The following TXK variants were observed in gnomAD, a reference collection of about 807,000 sequenced individuals.
TXK encodes the protein TXK tyrosine kinase.
TXK carries 60 observed loss-of-function variants against 81.0 expected under a neutral mutation model. The ratio of observed to expected loss-of-function variants is 0.74; its 90% CI spans 0.60 to 0.92. The LOEUF (loss-of-function observed/expected upper bound fraction) is 0.92, where lower values mean the gene tolerates loss of function less well. Among genes scored for constraint, TXK ranks in the 40% least tolerant of loss-of-function variants. The pLI is 0.00. For synonymous variants in TXK, 203 were observed against 210.7 expected (o/e 0.96, Z 0.32); for missense variants, 581 against 638.3 (o/e 0.91, Z 0.97).
chr4:48,075,097 A>G (rs1167301984), intron 12 of TXK, among the ~76,000 whole-genome samples: 1 of 152,032 alleles, frequency 6.6e-6, no homozygotes, highest in African/African-American at 2.4e-5. Context: ...GGGAAATAGA[A>G]GGGAAAGAAA....
At chr4:48,109,160 G>C (rs1718552364) in intron 5 of TXK, among the ~76,000 whole-genome samples, 1 of 150,370 alleles carries the variant, frequency 6.7e-6, no homozygotes, top group South Asian at 2.1e-4. Flanking sequence ...ACATGCTCTT[G>C]AGTAGATAGC....
intron 10 of TXK, among the ~76,000 whole-genome samples, chr4:48,081,230 A>G (rs1717288076): frequency 6.6e-6 from 1 of 152,140 alleles, no homozygotes; most frequent in Non-Finnish European, 1.5e-5. Flanking sequence ...TGAAATACTA[A>G]TTTGCCACAA....
At chr4:48,128,808 C>T (rs1203979647) in intron 1 of TXK, among the ~76,000 whole-genome samples, 2 of 151,944 alleles carry the variant, frequency 1.3e-5, no homozygotes, top group African/African-American at 2.4e-5. Context: ...ACCTCGTGAT[C>T]CACCTGCCTC....
At chr4:48,111,045 G>C (rs999957844) in intron 4 of TXK, among the ~76,000 whole-genome samples, 2 of 152,198 alleles carry the variant, frequency 1.3e-5, no homozygotes, top group African/African-American at 4.8e-5. Flanking sequence ...TTCTTGTACA[G>C]AAGAATATTT....
intron 6 of TXK, among the ~76,000 whole-genome samples, 155 bp from the exon 7 acceptor site, chr4:48,095,377 A>G (rs1717943152): frequency 6.6e-6 from 1 of 152,230 alleles, no homozygotes; most frequent in South Asian, 2.1e-4. Context: ...ACAAGTACAC[A>G]AAATCTTATC....
In TXK at chr4:48,073,966, C is replaced by T. The variant is rs1202849637; in HGVS notation, c.1326G>A (p.Lys442=). 1 of 1,613,504 alleles carries T rather than the reference C, an allele frequency of 6.2e-7. No homozygotes were observed. Among genetic ancestry groups the T allele is most frequent in the South Asian group, 1.1e-5 (1 of 91,012 alleles). The change falls in exon 13 of 15, where the codon AAG becomes AAA. Residue 442 remains lysine (K), a synonymous_variant. Coordinates refer to ENST00000264316, the MANE Select transcript of TXK (RefSeq NM_003328.3). ...WSPPEVFLFN[K]YSSKSDVWSF... Reference sequence around the variant, plus strand: ...ACCAGACATCAGATTTACTGCTGTACTTATTGAAAAGAAAAACTTCAGGAG... The same window carrying T: ...ACCAGACATCAGATTTACTGCTGTATTTATTGAAAAGAAAAACTTCAGGAG...
chr4:48,118,289 T>C (rs1465166857), intron 1 of TXK, among the ~76,000 whole-genome samples: 1 of 152,196 alleles, frequency 6.6e-6, no homozygotes, highest in Admixed American at 6.5e-5. Context: ...ATGATGCAGA[T>C]CTTCCTGTAA....
chr4:48,117,833 G>A (rs1385138363), intron 1 of TXK, among the ~76,000 whole-genome samples: 4 of 152,288 alleles, frequency 2.6e-5, no homozygotes, highest in African/African-American at 9.6e-5. Context: ...TAGTAATTGA[G>A]CCTTTAAAAG....
chr4:48,130,383 T>G (rs907708781), intron 1 of TXK, among the ~76,000 whole-genome samples: 4 of 152,172 alleles, frequency 2.6e-5, no homozygotes, highest in African/African-American at 7.2e-5. Context: ...CAACCAGAGC[T>G]GGAGAATACA....
chr4:48,089,758 AACCCAG>A lies in TXK; in HGVS notation c.770_775del (p.Ala257_Phe259delinsVal). 6.2e-7 allele frequency: 1 copy of A among 1,613,396 alleles called. No individual in the cohort carries two copies. Among genetic ancestry groups the A allele is most frequent in the Non-Finnish European group, 8.5e-7 (1 of 1,179,458 alleles). ...ATGTGTGCACACTTTACCGTAGCTA[AACCCAG>A]CTGTGGCTGGTAAACAACTGCCCAT... On this transcript the variant is annotated inframe_deletion, in exon 9 of 15. Transcript: ENST00000264316.
intron 6 of TXK, among the ~76,000 whole-genome samples, chr4:48,102,069 C>T (rs2109449340): frequency 6.6e-6 from 1 of 152,164 alleles, no homozygotes; most frequent in East Asian, 1.9e-4. Context: ...ATCTCCACCT[C>T]CCAGGTTCAA....
intron 11 of TXK, among the ~76,000 whole-genome samples, chr4:48,078,473 C>T (rs1170677871): frequency 1.3e-5 from 2 of 152,132 alleles, no homozygotes; most frequent in Admixed American, 1.3e-4. Context: ...TAGACTTCTC[C>T]AATTCTCATT....
intron 4 of TXK, among the ~76,000 whole-genome samples, chr4:48,111,309 C>G (rs1718626691): frequency 6.6e-6 from 1 of 152,148 alleles, no homozygotes; most frequent in African/African-American, 2.4e-5. Context: ...ATGAATTCTA[C>G]AAACAATACC....
intron 13 of TXK, 46 bp from the exon 14 acceptor site, chr4:48,071,720 T>C: frequency 6.3e-7 from 1 of 1,599,344 alleles, no homozygotes; most frequent in South Asian, 1.1e-5. Context: ...GAGAAATGAT[T>C]GCTTGGGAAC....
At chr4:48,072,251 C>T (rs944054996) in intron 13 of TXK, among the ~76,000 whole-genome samples, 4 of 152,212 alleles carry the variant, frequency 2.6e-5, no homozygotes, top group African/African-American at 9.7e-5. Flanking sequence ...GATTCGACCA[C>T]CTCAGCCTCC....
intron 12 of TXK, among the ~76,000 whole-genome samples, chr4:48,074,313 T>C (rs1461265476): frequency 6.6e-6 from 1 of 152,200 alleles, no homozygotes; most frequent in Non-Finnish European, 1.5e-5. Flanking sequence ...ACTGTTTATG[T>C]TAATTATGGT....
At chr4:48,091,123 T>C (rs1286779477) in intron 8 of TXK, among the ~76,000 whole-genome samples, 1 of 152,170 alleles carries the variant, frequency 6.6e-6, no homozygotes, top group Non-Finnish European at 1.5e-5. Flanking sequence ...AAGGAATAAG[T>C]ATTCTGCTGG....
At position 48,067,530 on chromosome 4, in the gene TXK, C is replaced by G. The variant is rs1205537438; in HGVS notation, c.*107G>C. ...TCTTTGCACTGTTTTCAAGAGTCAG[C>G]AACTCTGAAGAAAGATATTCACCAT... is the stretch of plus-strand genomic sequence containing the variant. On this transcript the variant is annotated 3_prime_UTR_variant, in exon 15 of 15. Coordinates refer to ENST00000264316, the MANE Select transcript of TXK (RefSeq NM_003328.3). The G allele has an allele frequency of 8.7e-7, 1 of 1,151,366 alleles. No homozygotes were observed. Among genetic ancestry groups the G allele is most frequent in the African/African-American group, 1.5e-5 (1 of 65,836 alleles). 71.3% of individuals were successfully genotyped at this position (1,151,366 alleles called of 1,614,324 possible).
At chr4:48,083,695 C>T (rs1157251774) in intron 10 of TXK, among the ~76,000 whole-genome samples, 1 of 152,142 alleles carries the variant, frequency 6.6e-6, no homozygotes, top group Non-Finnish European at 1.5e-5. Flanking sequence ...TTTTAAGCAC[C>T]AACTACATGC....
Sources: gnomAD v4.1 joint callset for allele counts (sites outside exome capture counted in the v4.1 genomes callset) on GRCh38, gnomAD v4.1.1 for gene constraint, MANE v1.5 for transcripts, NCBI Gene and HGNC (gene_info 2026-07-23, HGNC 2026-07-21) for gene names.